Variants in FAT3 observed in about 807,000 individuals in gnomAD.
FAT3 encodes the protein protocadherin Fat 3.
A neutral mutation model predicts 310.2 loss-of-function variants in FAT3; 95 were observed. That is an observed-to-expected ratio of 0.31 (90% CI 0.26 to 0.36). The LOEUF (loss-of-function observed/expected upper bound fraction) is 0.36. FAT3 is among the 10% of genes least tolerant of loss of function. The probability of loss-of-function intolerance (pLI) is 1.00; values close to 1 mark genes in which losing one functional copy is unlikely to be tolerated. For synonymous variants in FAT3, 2,314 were observed against 2,192.9 expected (o/e 1.06, Z -1.54); for missense variants, 5,408 against 5,715.6 (o/e 0.95, Z 1.74).
At chr11:92,371,059 C>T (rs1243683556) in intron 2 of FAT3, among the ~76,000 whole-genome samples, 3 of 152,156 alleles carry the variant, frequency 2.0e-5, no homozygotes, top group African/African-American at 7.2e-5. Flanking sequence ...AATCCTATAG[C>T]ATTTTAGAAA....
intron 3 of FAT3, among the ~76,000 whole-genome samples, chr11:92,650,570 G>C (rs915008102): frequency 2.0e-5 from 3 of 152,134 alleles, no homozygotes; most frequent in Admixed American, 1.3e-4. Flanking sequence ...CAACAAAAAA[G>C]CCCTGATTGG....
chr11:92,674,870 A>C (rs1943240414), intron 3 of FAT3, among the ~76,000 whole-genome samples: 1 of 152,148 alleles, frequency 6.6e-6, no homozygotes, highest in South Asian at 2.1e-4. Flanking sequence ...TCTAGAAAAA[A>C]ATGCACATAA....
At chr11:92,833,110 A>T (rs1467157533) in intron 14 of FAT3, among the ~76,000 whole-genome samples, 1 of 152,258 alleles carries the variant, frequency 6.6e-6, no homozygotes, top group Non-Finnish European at 1.5e-5. Flanking sequence ...AAAGGTCGTA[A>T]TTCTAGAAAA....
chr11:92,351,748 A>G (rs1221584212), intron 1 of FAT3, among the ~76,000 whole-genome samples: 2 of 152,152 alleles, frequency 1.3e-5, no homozygotes, highest in Non-Finnish European at 2.9e-5. Flanking sequence ...AGGCAGTTCT[A>G]AGTCAAAGGT....
chr11:92,654,826 G>C (rs1942521987), intron 3 of FAT3, among the ~76,000 whole-genome samples: 1 of 152,096 alleles, frequency 6.6e-6, no homozygotes, highest in African/African-American at 2.4e-5. Flanking sequence ...GATCATATCA[G>C]TTCCTTATTT....
At chr11:92,426,213 C>G (rs2135002133) in intron 2 of FAT3, among the ~76,000 whole-genome samples, 1 of 152,154 alleles carries the variant, frequency 6.6e-6, no homozygotes, top group Admixed American at 6.6e-5. Flanking sequence ...TATCCTTTGC[C>G]CACTTTTTGT....
chr11:92,723,392 ATAT>A (rs1326061287), intron 4 of FAT3, among the ~76,000 whole-genome samples: 5 of 152,134 alleles, frequency 3.3e-5, no homozygotes, highest in African/African-American at 1.2e-4. Context: ...TTCATTGTCC[ATAT>A]TATTATTAGC....
chr11:92,739,959 G>A (rs547477147), intron 4 of FAT3, among the ~76,000 whole-genome samples: 12 of 152,300 alleles, frequency 7.9e-5, no homozygotes, highest in Admixed American at 6.5e-4. Context: ...TTGTGGGCCT[G>A]ATCTTCTGAG....
Position 92,891,421 on chromosome 11 carries a change from T to A in FAT3, c.*308T>A, listed in dbSNP as rs551004591. 2.4e-6 allele frequency: 1 copy of A among 408,666 alleles called. No homozygotes were observed. Among genetic ancestry groups the A allele is most frequent in the Non-Finnish European group, 4.6e-6 (1 of 217,100 alleles). The allele number at this position is 408,666 out of a possible 1,614,324, so 25.3% of individuals were successfully genotyped here. A position where few individuals can be genotyped will look rare whatever the true frequency, so the allele number is the denominator to read the frequency against. On this transcript the variant is annotated 3_prime_UTR_variant, in exon 28 of 28. Transcript: ENST00000525166. The stretch of plus-strand genomic sequence containing the variant: ...ACTAAGTTATACAGCCAGTCTTGTA[T>A]GGCTTTGTGCAGTATTGTGCCCTGG...
chr11:92,299,721 G>T (rs952979230), intron 1 of FAT3, among the ~76,000 whole-genome samples: 2 of 152,030 alleles, frequency 1.3e-5, no homozygotes. Flanking sequence ...ATTAATATAT[G>T]TCTCTTCAGT....
chr11:92,334,040 T>C (rs1947990587), intron 1 of FAT3, among the ~76,000 whole-genome samples: 1 of 152,240 alleles, frequency 6.6e-6, no homozygotes, highest in East Asian at 1.9e-4. Context: ...TTTTGCCATG[T>C]CTTCTCATTT....
At chr11:92,486,129 G>GTTTTTTTTTT (rs1565353395) in intron 2 of FAT3, among the ~76,000 whole-genome samples, 384 of 27,590 alleles carry the variant, frequency 0.014, 25 homozygotes, top group African/African-American at 0.03. Flanking sequence ...AGGCTGCTGG[G>GTTTTTTTTTT]GTTTTTTTTT....
chr11:92,367,422 C>A (rs1389857034), intron 2 of FAT3, among the ~76,000 whole-genome samples: 1 of 151,860 alleles, frequency 6.6e-6, no homozygotes, highest in Non-Finnish European at 1.5e-5. Flanking sequence ...ATAGTGAGAC[C>A]CTCTGTCTAA....
At chr11:92,604,396 T>A (rs1940176900) in intron 3 of FAT3, among the ~76,000 whole-genome samples, 1 of 152,208 alleles carries the variant, frequency 6.6e-6, no homozygotes, top group Non-Finnish European at 1.5e-5. Flanking sequence ...TAGTAGGCTG[T>A]GAATTGTGAA....
chr11:92,224,912 C>T lies in FAT3; in HGVS notation c.-280C>T, dbSNP rs1242413976. ...AACTGGCCTGCGGATTGGGATCTCG[C>T]GCCTCCCGTCCCTCTCCTCCCGCTG... On this transcript the variant is annotated 5_prime_UTR_variant, in exon 1 of 28. Coordinates refer to ENST00000525166, the MANE Select transcript of FAT3 (RefSeq NM_001367949.2). Among the ~76,000 whole-genome samples the T allele has an allele frequency of 6.6e-6, 1 of 152,088 alleles. No individual in the cohort carries two copies. The highest frequency in any genetic ancestry group is 1.5e-5 in the Non-Finnish European group (1 of 68,024).
intron 1 of FAT3, among the ~76,000 whole-genome samples, chr11:92,295,040 A>G (rs1412277651): frequency 6.6e-6 from 1 of 152,090 alleles, no homozygotes; most frequent in African/African-American, 2.4e-5. Context: ...GCAAACCTGA[A>G]ATCTTAATTT....
At chr11:92,528,401 T>C (rs1953948177) in intron 3 of FAT3, among the ~76,000 whole-genome samples, 1 of 152,176 alleles carries the variant, frequency 6.6e-6, no homozygotes, top group Non-Finnish European at 1.5e-5. Flanking sequence ...AGCAGGAATG[T>C]TGCTTCCTTC....
intron 13 of FAT3, among the ~76,000 whole-genome samples, chr11:92,812,590 AAAAG>A (rs957690268): frequency 1.3e-5 from 2 of 152,266 alleles, no homozygotes; most frequent in African/African-American, 4.8e-5. Context: ...TCAAAAAAAA[AAAAG>A]AAAGAAGGAA....
At chr11:92,809,584 C>G (rs1947609233) in intron 12 of FAT3, among the ~76,000 whole-genome samples, 1 of 152,174 alleles carries the variant, frequency 6.6e-6, no homozygotes, top group Non-Finnish European at 1.5e-5. Flanking sequence ...GAAAGAGCCC[C>G]TTATACCAGC....
Sources: allele counts gnomAD v4.1 joint callset (sites outside exome capture counted in the v4.1 genomes callset), GRCh38; gene constraint gnomAD v4.1.1; transcripts MANE v1.5; gene names NCBI Gene and HGNC (gene_info 2026-07-23, HGNC 2026-07-21).